Variants in KSR1 observed in about 807,000 individuals in gnomAD.
KSR1 encodes the protein kinase suppressor of ras.
In KSR1, 35 loss-of-function variants were observed where a neutral mutation model predicts 92.9. The observed-to-expected ratio is 0.38, with a 90% CI of 0.29 to 0.50. KSR1 has a LOEUF of 0.50. Ranked by LOEUF, KSR1 falls within the 20% of genes least tolerant of loss-of-function variation. The pLI, the probability that KSR1 is intolerant of heterozygous loss-of-function variation, is 0.94. For synonymous variants in KSR1, 467 were observed against 472.6 expected (o/e 0.99, Z 0.15); for missense variants, 972 against 1,158.5 (o/e 0.84, Z 2.34).
intron 18 of KSR1, 112 bp downstream of exon 18, chr17:27,611,741 C>T: frequency 8.1e-7 from 1 of 1,235,574 alleles, no homozygotes. Context: ...AGGAGCTCTG[C>T]CACCTGCACG....
intron 10 of KSR1, 61 bp from the exon 11 acceptor site, chr17:27,601,299 C>T (rs935231886): frequency 3.7e-5 from 54 of 1,455,124 alleles, no homozygotes; most frequent in African/African-American, 1.3e-4. Context: ...CCTGCAATTC[C>T]GCTCCTCCCT....
intron 17 of KSR1, 153 bp from the exon 18 acceptor site, chr17:27,611,341 C>T: frequency 1.1e-6 from 1 of 907,622 alleles, no homozygotes; most frequent in Non-Finnish European, 1.6e-6. Flanking sequence ...GGAGGAGCCT[C>T]CAGGAGCCCA....
chr17:27,595,378 G>A (rs1237145264), intron 9 of KSR1, among the ~76,000 whole-genome samples: 5 of 152,354 alleles, frequency 3.3e-5, no homozygotes, highest in South Asian at 2.1e-4. Flanking sequence ...CACCTGCTAT[G>A]TACCACACAC....
At chr17:27,566,042 T>C (rs1396309379) in intron 2 of KSR1, among the ~76,000 whole-genome samples, 2 of 152,126 alleles carry the variant, frequency 1.3e-5, no homozygotes, top group Non-Finnish European at 1.5e-5. Flanking sequence ...ACCCGAAGCA[T>C]GCGAGAAGCT....
intron 2 of KSR1, among the ~76,000 whole-genome samples, chr17:27,568,310 C>A (rs1449646939): frequency 6.6e-6 from 1 of 152,194 alleles, no homozygotes; most frequent in Non-Finnish European, 1.5e-5. Flanking sequence ...ACAGACCACC[C>A]CAAAGGACAG....
rs368669429 is a variant in KSR1, at chr17:27,554,522, G to A, written c.372+3814G>A. On this transcript the variant is annotated intron_variant, in intron 2 of 20. Transcript: ENST00000644974. ...ACAAACCCTGTTGTGAACTGCACAC[G>A]CGAGGGATCTAGGTTATGTGCTCCT... 3.0e-4 allele frequency among the ~76,000 whole-genome samples: 45 copies of A among 152,326 alleles called. 1 individual carries two copies. The highest frequency in any genetic ancestry group is 2.0e-3 in the Admixed American group (30 of 15,304).
At chr17:27,618,818 T>G (rs535675558) in intron 19 of KSR1, among the ~76,000 whole-genome samples, 2 of 152,352 alleles carry the variant, frequency 1.3e-5, no homozygotes, top group Admixed American at 1.3e-4. Context: ...CTGTACAATC[T>G]GCAAACTAAG....
chr17:27,601,970 C>T, intron 11 of KSR1: 1 of 1,584,514 alleles, frequency 6.3e-7, no homozygotes, highest in Non-Finnish European at 8.6e-7. Flanking sequence ...TAAGTCAATA[C>T]ATTGAGTCCC....
chr17:27,603,998 G>A, intron 12 of KSR1, 110 bp downstream of exon 12: 1 of 1,103,364 alleles, frequency 9.1e-7, no homozygotes, highest in Non-Finnish European at 1.4e-6. Flanking sequence ...CCAGCCAGAT[G>A]CAGAACTCCC....
chr17:27,592,680 A>C, intron 9 of KSR1, 54 bp downstream of exon 9: 5 of 1,451,868 alleles, frequency 3.4e-6, no homozygotes, highest in Non-Finnish European at 4.7e-6. Context: ...CTTCCTTCCT[A>C]TAAAGCACCC....
At chr17:27,498,065 T>C (rs942894715) in intron 1 of KSR1, among the ~76,000 whole-genome samples, 3 of 152,156 alleles carry the variant, frequency 2.0e-5, no homozygotes, top group Non-Finnish European at 4.4e-5. Context: ...AGCGGTGGCT[T>C]ATGCCTGTAA....
rs1382324105 is a variant in KSR1, at chr17:27,623,837, G to A, written c.*445G>A. 3 of 516,594 alleles carry A rather than the reference G, an allele frequency of 5.8e-6. No individual in the cohort carries two copies. The African/African-American group carries it at 6.0e-5, about 10-fold the overall frequency. The allele number at this position is 516,594 out of a possible 1,614,324, so 32.0% of individuals were successfully genotyped here. A position where few individuals can be genotyped will look rare whatever the true frequency, so the allele number is the denominator to read the frequency against. The stretch of plus-strand genomic sequence containing the variant: ...TTGGGGTAGGGCGGGGAGCCCAGAA[G>A]GTCTGATCTGGCCTCTGCTTTTTGG... On this transcript the variant is annotated 3_prime_UTR_variant, in exon 21 of 21. Transcript: ENST00000644974.
At chr17:27,536,546 G>T (rs1304253415) in intron 1 of KSR1, among the ~76,000 whole-genome samples, 1 of 152,178 alleles carries the variant, frequency 6.6e-6, no homozygotes, top group Admixed American at 6.5e-5. Flanking sequence ...CCAGAATGAG[G>T]ATCGTTCAGA....
rs1279440675 is a variant in KSR1, at chr17:27,623,399, A to G, written c.*7A>G. ...CAGTAATCCAAAGATGTAGCCAGCC[A>G]TATGGTTTTTCGCTGCTGATCTCTT... On this transcript the variant is annotated 3_prime_UTR_variant, in exon 21 of 21. Coordinates refer to ENST00000644974, the MANE Select transcript of KSR1 (RefSeq NM_001394583.1). The G allele has an allele frequency of 1.0e-5, 8 of 763,902 alleles. No homozygotes were observed. Among genetic ancestry groups the G allele is most frequent in the African/African-American group, 8.5e-5 (5 of 59,136 alleles). The allele number at this position is 763,902 out of a possible 1,614,324, so 47.3% of individuals were successfully genotyped here. A position where few individuals can be genotyped will look rare whatever the true frequency, so the allele number is the denominator to read the frequency against.
At chr17:27,498,368 C>T (rs2069065479) in intron 1 of KSR1, among the ~76,000 whole-genome samples, 1 of 150,212 alleles carries the variant, frequency 6.7e-6, no homozygotes, top group Admixed American at 6.6e-5. Flanking sequence ...GGCTCTTGAC[C>T]AACCAACTCT....
intron 19 of KSR1, among the ~76,000 whole-genome samples, chr17:27,618,812 AC>A (rs2074134717): frequency 6.6e-6 from 1 of 152,194 alleles, no homozygotes; most frequent in African/African-American, 2.4e-5. Flanking sequence ...CTGTGTCTGT[AC>A]AATCTGCAAA....
intron 12 of KSR1, among the ~76,000 whole-genome samples, chr17:27,604,354 G>C (rs981332024): frequency 6.6e-6 from 1 of 152,186 alleles, no homozygotes; most frequent in Non-Finnish European, 1.5e-5. Flanking sequence ...GGTTTTCCAA[G>C]TTGAGGCCGT....
intron 1 of KSR1, among the ~76,000 whole-genome samples, chr17:27,515,237 TCAA>T (rs952478105): frequency 2.6e-5 from 4 of 152,260 alleles, no homozygotes; most frequent in African/African-American, 9.6e-5. Flanking sequence ...TGCCGCATTG[TCAA>T]CAACAGACCA....
chr17:27,545,950 G>A (rs755195153), intron 1 of KSR1, among the ~76,000 whole-genome samples: 3 of 152,218 alleles, frequency 2.0e-5, no homozygotes, highest in African/African-American at 7.2e-5. Context: ...ACTCCCAGAG[G>A]CAGGACCCTT....
Sources: gnomAD v4.1 joint callset for allele counts (sites outside exome capture counted in the v4.1 genomes callset) on GRCh38, gnomAD v4.1.1 for gene constraint, MANE v1.5 for transcripts, NCBI Gene and HGNC (gene_info 2026-07-23, HGNC 2026-07-21) for gene names.